Variants in ANGPT1 observed in about 807,000 individuals in gnomAD.
The protein encoded by ANGPT1 is angiopoietin 1, also known as angiopoietin-1.
Under a neutral mutation model 62.2 loss-of-function variants are expected in ANGPT1, and 17 were observed. The ratio of observed to expected loss-of-function variants is 0.27; its 90% CI spans 0.19 to 0.41. The LOEUF is 0.41. Among genes scored for constraint, ANGPT1 ranks in the 10% least tolerant of loss-of-function variants. The pLI is 1.00. For missense variants in ANGPT1, 478 were observed against 594.9 expected (o/e 0.80, Z 2.04); for synonymous variants, 199 against 198.9 (o/e 1.00, Z 0.00).
chr8:107,286,018 A>G (rs973890846), intron 6 of ANGPT1, among the ~76,000 whole-genome samples: 1 of 152,164 alleles, frequency 6.6e-6, no homozygotes, highest in African/African-American at 2.4e-5. Flanking sequence ...GGAGGTAAGG[A>G]GGAAGGAAAA....
intron 1 of ANGPT1, among the ~76,000 whole-genome samples, chr8:107,405,291 C>T (rs1187066691): frequency 6.6e-6 from 1 of 151,818 alleles, no homozygotes; most frequent in East Asian, 1.9e-4. Flanking sequence ...AGATCGTACT[C>T]TATATTTTTA....
chr8:107,349,122 TTAGATAGATAGATAGATAGA>T (rs142050677), intron 1 of ANGPT1, among the ~76,000 whole-genome samples: 1 of 143,802 alleles, frequency 7.0e-6, no homozygotes, highest in African/African-American at 2.6e-5. Flanking sequence ...GATAAGGAGA[TTAGATAGATAGATAGATAGA>T]TAGATAGATA....
At position 107,291,901 on chromosome 8, in the gene ANGPT1, G is replaced by T. The variant is rs1012671735; in HGVS notation, c.1038+2035C>A. ...TATTTCCACTGAAGATGGGGGGGGGGGGGGGCTTGCCACTTAATAGGCAGT... is the reference window on the plus strand; with the variant it reads ...TATTTCCACTGAAGATGGGGGGGGGTGGGGGCTTGCCACTTAATAGGCAGT... On this transcript the variant is annotated intron_variant, in intron 6 of 8. Transcript: ENST00000517746. Among the ~76,000 whole-genome samples the T allele has an allele frequency of 5.6e-5, 8 of 142,242 alleles. 1 individual carries two copies. The highest frequency in any genetic ancestry group is 5.5e-4 in the Admixed American group (8 of 14,484). The allele number at this position is 142,242 out of a possible 152,430, so 93.3% of individuals were successfully genotyped here.
chr8:107,481,095 T>G (rs1167302078), intron 1 of ANGPT1, among the ~76,000 whole-genome samples: 1 of 152,146 alleles, frequency 6.6e-6, no homozygotes, highest in Non-Finnish European at 1.5e-5. Context: ...TTCAGCAGAG[T>G]CCTTCTTCAC....
At chr8:107,394,465 T>C (rs1816896137) in intron 1 of ANGPT1, among the ~76,000 whole-genome samples, 1 of 152,154 alleles carries the variant, frequency 6.6e-6, no homozygotes, top group Admixed American at 6.5e-5. Context: ...ATAGCCCTGA[T>C]GGTACCTACA....
At chr8:107,416,225 A>T (rs915100524) in intron 1 of ANGPT1, among the ~76,000 whole-genome samples, 11 of 152,146 alleles carry the variant, frequency 7.2e-5, no homozygotes, top group African/African-American at 2.7e-4. Context: ...ATCGCAAGTT[A>T]GGGCCTCTGG....
chr8:107,447,154 G>T (rs1432459013), intron 1 of ANGPT1, among the ~76,000 whole-genome samples: 1 of 152,076 alleles, frequency 6.6e-6, no homozygotes, highest in African/African-American at 2.4e-5. Flanking sequence ...CTGCATTATT[G>T]TAATGGGCTT....
At chr8:107,402,205 A>AT (rs1019928176) in intron 1 of ANGPT1, among the ~76,000 whole-genome samples, 2 of 152,286 alleles carry the variant, frequency 1.3e-5, no homozygotes, top group Admixed American at 1.3e-4. Context: ...GAACAAACTC[A>AT]TTTTTTAACG....
In ANGPT1 at chr8:107,293,946, T is replaced by C; in HGVS notation, c.1028A>G (p.Glu343Gly). Reference sequence around the variant, plus strand: ...ATTCTTGCATCTTACCATTTTATATTCCTTCCAGCCTCTTTGGAAATCTAG... The same window carrying C: ...ATTCTTGCATCTTACCATTTTATATCCCTTCCAGCCTCTTTGGAAATCTAG... The part of the protein sequence containing the change: ...GSLDFQRGWK[E>G]YKMGFGNPSG... Residue 343 changes from glutamate (E) to glycine (G), a missense_variant, in exon 6 of 9, where the codon GAA (glutamate) becomes GGA (glycine). Physicochemically the swap from Glu to Gly is moderately conservative, Grantham distance 98. This residue lies in a region of ANGPT1 where 81 missense variants were observed against 117.1 expected (regional missense o/e 0.69). Coordinates refer to ENST00000517746, the MANE Select transcript of ANGPT1 (RefSeq NM_001146.5). The C allele has an allele frequency of 6.2e-7, 1 of 1,612,308 alleles. No homozygotes were observed. Among genetic ancestry groups the C allele is most frequent in the Non-Finnish European group, 8.5e-7 (1 of 1,179,224 alleles).
intron 4 of ANGPT1, among the ~76,000 whole-genome samples, chr8:107,321,550 G>A (rs546168120): frequency 1.3e-5 from 2 of 152,130 alleles, no homozygotes; most frequent in South Asian, 4.2e-4. Flanking sequence ...TTTTAACATT[G>A]GCTCATCTCT....
intron 3 of ANGPT1, among the ~76,000 whole-genome samples, chr8:107,323,284 T>C (rs772361586): frequency 5.9e-5 from 9 of 152,180 alleles, no homozygotes; most frequent in Non-Finnish European, 1.2e-4. Flanking sequence ...AAAGGCTTAC[T>C]CGGTTTTCTC....
chr8:107,401,108 C>A (rs946597511), intron 1 of ANGPT1, among the ~76,000 whole-genome samples: 2 of 152,126 alleles, frequency 1.3e-5, no homozygotes, highest in Non-Finnish European at 2.9e-5. Flanking sequence ...ACTGGCATAG[C>A]GTTTTGAGTC....
chr8:107,316,655 A>G (rs1053172484), intron 4 of ANGPT1, among the ~76,000 whole-genome samples: 2 of 152,180 alleles, frequency 1.3e-5, no homozygotes, highest in African/African-American at 4.8e-5. Flanking sequence ...TATATTGACA[A>G]TGACTGCTCA....
chr8:107,435,882 T>C (rs896447082), intron 1 of ANGPT1, among the ~76,000 whole-genome samples: 2 of 152,180 alleles, frequency 1.3e-5, no homozygotes, highest in Non-Finnish European at 2.9e-5. Flanking sequence ...ATGAGGTATA[T>C]AATACAATAC....
rs1554586919 is a variant in ANGPT1, at chr8:107,370,195, A to AAAGAAAGAAAGAAAG, written c.298-23099_298-23098insCTTTCTTTCTTTCTT. On this transcript the variant is annotated intron_variant, in intron 1 of 8. Transcript: ENST00000517746. Reference sequence around the variant, plus strand: ...GAGAAAGAAGAAAGAAAGAAAGAAAAAAAGAAAGAAAGAAAGAAAGAAAGG... The same window carrying AAAGAAAGAAAGAAAG: ...GAGAAAGAAGAAAGAAAGAAAGAAAAAAGAAAGAAAGAAAGAAAGAAAGAAAGAAAGAAAGAAAGG... Among the ~76,000 whole-genome samples the AAAGAAAGAAAGAAAG allele has an allele frequency of 1.0e-3, 95 of 93,338 alleles. 1 individual carries two copies. The highest frequency in any genetic ancestry group is 6.2e-3 in the Middle Eastern group (1 of 162). 61.2% of individuals were successfully genotyped at this position (93,338 alleles called of 152,430 possible). A position where few individuals can be genotyped will look rare whatever the true frequency, so the allele number is the denominator to read the frequency against.
Position 107,341,085 on chromosome 8 carries a change from G to A in ANGPT1, c.454-4814C>T, listed in dbSNP as rs149078577. 7.2e-5 allele frequency among the ~76,000 whole-genome samples: 11 copies of A among 152,188 alleles called. No homozygotes were observed. The East Asian group carries it at 9.7e-4, about 13-fold the overall frequency. ...ATTTCCTAGGGAAAAATGAACTATCGAGATGCAGTGATATGGAGGTTATAA... is the reference window on the plus strand; with the variant it reads ...ATTTCCTAGGGAAAAATGAACTATCAAGATGCAGTGATATGGAGGTTATAA... On this transcript the variant is annotated intron_variant, in intron 2 of 8. Transcript: ENST00000517746.
chr8:107,449,911 T>G (rs1276583554), intron 1 of ANGPT1, among the ~76,000 whole-genome samples: 1 of 152,118 alleles, frequency 6.6e-6, no homozygotes, highest in African/African-American at 2.4e-5. Context: ...TAGACTTGCC[T>G]TCTCTCAATT....
intron 6 of ANGPT1, among the ~76,000 whole-genome samples, chr8:107,286,170 A>C (rs759659408): frequency 1.3e-5 from 2 of 152,154 alleles, no homozygotes; most frequent in Non-Finnish European, 2.9e-5. Context: ...TCCTCTGCCA[A>C]CTGAGTTACT....
intron 6 of ANGPT1, among the ~76,000 whole-genome samples, chr8:107,285,264 A>C (rs1814111978): frequency 6.6e-6 from 1 of 152,182 alleles, no homozygotes. Context: ...ATTTAACAAT[A>C]TTATTTTTAC....
Sources: allele counts gnomAD v4.1 joint callset (sites outside exome capture counted in the v4.1 genomes callset), GRCh38; gene constraint gnomAD v4.1.1; regional missense constraint gnomAD v4.1.1; transcripts MANE v1.5; gene names NCBI Gene and HGNC (gene_info 2026-07-23, HGNC 2026-07-21).